Variants in COL5A1 observed in about 807,000 individuals in gnomAD.
COL5A1 encodes collagen type V alpha 1 chain, also known as collagen alpha-1(V) chain.
A neutral mutation model predicts 263.7 loss-of-function variants in COL5A1; 16 were observed. The observed-to-expected ratio is 0.06, with a 90% CI of 0.04 to 0.09. COL5A1 has a LOEUF of 0.09. Among genes scored for constraint, COL5A1 ranks in the 10% least tolerant of loss-of-function variants. COL5A1 has a pLI of 1.00. For missense variants in COL5A1, 2,036 were observed against 2,540.5 expected, an observed-to-expected ratio of 0.80 and a Z score of 4.27; for synonymous variants, 1,012 against 1,004.5, an observed-to-expected ratio of 1.01 and a Z score of -0.14.
chr9:134,785,462 C>CCCCACCTTCCTGA (rs1837421726), intron 30 of COL5A1, among the ~76,000 whole-genome samples: 1 of 152,220 alleles, frequency 6.6e-6, no homozygotes, highest in Admixed American at 6.5e-5. Context: ...GAAGGTGTGG[C>CCCCACCTTCCTGA]AGCCTGGCAG....
At chr9:134,764,827 G>A (rs987873139) in intron 20 of COL5A1, among the ~76,000 whole-genome samples, 1 of 152,098 alleles carries the variant, frequency 6.6e-6, no homozygotes, top group Non-Finnish European at 1.5e-5. Flanking sequence ...ATACCTTCTG[G>A]GCTGTTAGCT....
Position 134,809,252 on chromosome 9 carries a change from G to C in COL5A1, c.3436G>C (p.Ala1146Pro). Reference protein sequence around the residue: ...LQGPVGLPGPAGPVGPPGEDG... With the variant: ...LQGPVGLPGPPGPVGPPGEDG... ...GGGGCCTGTGGGGCTCCCGGGTCCA[G>C]CTGGCCCTGTGGGTCCCCCTGGAGA... Residue 1146 changes from alanine (A) to proline (P), a missense_variant, in exon 43 of 66, where the codon GCT becomes CCT. Coordinates refer to ENST00000371817, the MANE Select transcript of COL5A1 (RefSeq NM_000093.5). 1.2e-6 allele frequency: 2 copies of C among 1,608,882 alleles called. No individual in the cohort carries two copies. The highest frequency in any genetic ancestry group is 1.7e-6 in the Non-Finnish European group (2 of 1,178,134).
rs1025727262 is a variant in COL5A1 at position 134,677,587 on chromosome 9, T to A, written c.110-13325T>A. 6.6e-6 allele frequency among the ~76,000 whole-genome samples: 1 copy of A among 152,176 alleles called. No homozygotes were observed. The highest frequency in any genetic ancestry group is 1.5e-5 in the Non-Finnish European group (1 of 68,026). On this transcript the variant is annotated intron_variant, in intron 1 of 65. Transcript: ENST00000371817. This position sits in a 1 kb window ranked among gnomAD's most constrained non-coding sequence, Gnocchi z 4.4. ...GGGATCTTCGGGGTGATGACATTCC[T>A]TCCCCCATCACTCCTTGGCACAGCC...
intron 4 of COL5A1, among the ~76,000 whole-genome samples, chr9:134,713,680 G>T (rs1834148676): frequency 6.6e-6 from 1 of 152,352 alleles, no homozygotes; most frequent in South Asian, 2.1e-4. Context: ...GGGTTTGTGG[G>T]TGTCAAACCC....
intron 64 of COL5A1, among the ~76,000 whole-genome samples, chr9:134,831,398 C>T (rs1039406092): frequency 8.5e-5 from 13 of 152,230 alleles, no homozygotes; most frequent in African/African-American, 3.1e-4. Flanking sequence ...CAGTCCTCTC[C>T]TCCTTTCCTC....
intron 29 of COL5A1, 41 bp from the exon 30 acceptor site, chr9:134,784,948 G>GTGTGT (rs201808952): frequency 9.0e-6 from 13 of 1,439,496 alleles, no homozygotes; most frequent in Non-Finnish European, 1.2e-5. Context: ...TAGTGTGTGT[G>GTGTGT]CGGGGGGTGG....
intron 4 of COL5A1, among the ~76,000 whole-genome samples, chr9:134,707,664 C>T (rs543639243): frequency 3.3e-5 from 5 of 152,222 alleles, no homozygotes; most frequent in South Asian, 4.1e-4. Context: ...CCCAGGTCCA[C>T]GTTTGCTGTA....
intron 28 of COL5A1, 69 bp downstream of exon 28, chr9:134,780,215 T>C: frequency 1.4e-6 from 2 of 1,452,554 alleles, no homozygotes; most frequent in Non-Finnish European, 1.9e-6. Flanking sequence ...AGCGGGGCCC[T>C]CCCACAATGC....
rs774861340 is a variant in COL5A1 at position 134,691,089 on chromosome 9, G to T, written c.277+10G>T. The T allele has an allele frequency of 1.2e-6, 2 of 1,612,244 alleles. No individual in the cohort carries two copies. The highest frequency in any genetic ancestry group is 1.7e-6 in the Non-Finnish European group (2 of 1,180,012). On this transcript the variant is annotated intron_variant, in intron 2 of 65. Coordinates refer to ENST00000371817, the MANE Select transcript of COL5A1 (RefSeq NM_000093.5). ...AAGCAGCTGTACCCTGGTAAGTGCC[G>T]CACCCTTCTGTTTGGGGCGGTGGGT... is the stretch of plus-strand genomic sequence containing the variant.
At chr9:134,833,580 T>C (rs1474996528) in intron 64 of COL5A1, among the ~76,000 whole-genome samples, 2 of 149,144 alleles carry the variant, frequency 1.3e-5, no homozygotes, top group East Asian at 3.9e-4. Context: ...GAGTGGTCTT[T>C]CTTGAGTGGC....
rs564900023 is a variant in COL5A1, at chr9:134,744,926, C to T, written c.1495-5616C>T. ...ACATATGCACACACCCAGGCGTGCA[C>T]GTGCACACACATCTACATGCACGCG... On this transcript the variant is annotated intron_variant, in intron 11 of 65. Transcript: ENST00000371817. Among the ~76,000 whole-genome samples, 306 of 152,374 alleles carry T rather than the reference C, an allele frequency of 2.0e-3. 3 individuals are homozygous for T. The highest frequency in any genetic ancestry group is 3.3e-3 in the Non-Finnish European group (222 of 68,040).
At chr9:134,693,322 C>A (rs1184829643) in intron 2 of COL5A1, among the ~76,000 whole-genome samples, 4 of 152,146 alleles carry the variant, frequency 2.6e-5, no homozygotes, top group Non-Finnish European at 4.4e-5. Flanking sequence ...GTGAGACTGT[C>A]TCAAACAAAA....
At chr9:134,687,811 G>A (rs897404881) in intron 1 of COL5A1, among the ~76,000 whole-genome samples, 7 of 152,184 alleles carry the variant, frequency 4.6e-5, no homozygotes, top group Admixed American at 3.9e-4. Flanking sequence ...AGGGGCTCTT[G>A]TTTGTTGAGC....
rs564499599 is a variant in COL5A1 at position 134,750,698 on chromosome 9, A to G, written c.1569+82A>G. 2.5e-6 allele frequency: 4 copies of G among 1,594,778 alleles called. No homozygotes were observed. In the South Asian group the frequency reaches 4.4e-5, roughly 18 times the overall value. The stretch of plus-strand genomic sequence containing the variant: ...CCAGACCCTCTGAGGCTGCGCTGTC[A>G]CTGGAGAGGCCTGTGGGCCCCGTCT... On this transcript the variant is annotated intron_variant, in intron 12 of 65. Transcript: ENST00000371817.
At position 134,666,086 on chromosome 9, in the gene COL5A1, C is replaced by T. The variant is rs1482716764; in HGVS notation, c.109+23790C>T. Among the ~76,000 whole-genome samples, 4 of 151,806 alleles carry T rather than the reference C, an allele frequency of 2.6e-5. No individual in the cohort carries two copies. The South Asian group carries it at 6.2e-4, about 24-fold the overall frequency. The stretch of plus-strand genomic sequence containing the variant: ...TGGGTGACAGAGCGAGACTCCATCT[C>T]GAAATAAAATAAAATAAAAATAAAA... On this transcript the variant is annotated intron_variant, in intron 1 of 65. Coordinates refer to ENST00000371817, the MANE Select transcript of COL5A1 (RefSeq NM_000093.5).
At position 134,818,892 on chromosome 9, in the gene COL5A1, C is replaced by T. The variant is rs368551709; in HGVS notation, c.4383C>T (p.Pro1461=). 1.2e-4 allele frequency: 192 copies of T among 1,612,968 alleles called. No individual in the cohort carries two copies. Among genetic ancestry groups the T allele is most frequent in the Middle Eastern group, 1.7e-4 (1 of 6,060 alleles). ...GATCCCCAGGCCCGGACGGTCCCCC[C>T]GGCCCCATGGTGAGTCACATTCCTC... The part of the protein sequence containing the change: ...LPGSPGPDGP[P]GPMGPPGLPG... Residue 1461 remains proline (P), a synonymous_variant, in exon 56 of 66, where the codon CCC becomes CCT. Transcript: ENST00000371817. The surrounding 1 kb of genome is among the most constrained non-coding windows in gnomAD (Gnocchi z 6.0).
At position 134,844,663 on chromosome 9, in the gene COL5A1, C is replaced by G. The variant is rs1830196958; in HGVS notation, c.*2360C>G. The G allele has an allele frequency of 6.6e-6, 1 of 152,170 alleles. No homozygotes were observed. The highest frequency in any genetic ancestry group is 6.5e-5 in the Admixed American group (1 of 15,276). The allele number at this position is 152,170 out of a possible 1,614,324, so 9.4% of individuals were successfully genotyped here. A position where few individuals can be genotyped will look rare whatever the true frequency, so the allele number is the denominator to read the frequency against. On this transcript the variant is annotated 3_prime_UTR_variant, in exon 66 of 66. Transcript: ENST00000371817. ...AGATAAAGTTTCGAGGACATCAGGC[C>G]TTTTGAAATACAATGTCAAATGACA...
rs764698135 is a variant in COL5A1, at chr9:134,757,405, C to CG, written c.1881+593dup. ...TCTTGGAAGCATTTGTCCCAGGCCACGGGGGGCAGGGGAGATACTGACCTT... is the reference window on the plus strand; with the variant it reads ...TCTTGGAAGCATTTGTCCCAGGCCACGGGGGGGCAGGGGAGATACTGACCTT... On this transcript the variant is annotated intron_variant, in intron 17 of 65. Coordinates refer to ENST00000371817, the MANE Select transcript of COL5A1 (RefSeq NM_000093.5). The surrounding 1 kb of genome is among the most constrained non-coding windows in gnomAD (Gnocchi z 6.2). 3.0e-4 allele frequency among the ~76,000 whole-genome samples: 45 copies of CG among 152,118 alleles called. No homozygotes were observed. Among genetic ancestry groups the CG allele is most frequent in the Non-Finnish European group, 5.6e-4 (38 of 68,028 alleles).
At chr9:134,760,663 A>ACC (rs1836363976) in intron 18 of COL5A1, among the ~76,000 whole-genome samples, 1 of 104,012 alleles carries the variant, frequency 9.6e-6, no homozygotes, top group Non-Finnish European at 1.9e-5. Context: ...ACACACACAC[A>ACC]CCACACATGC....
Sources: allele counts gnomAD v4.1 joint callset (sites outside exome capture counted in the v4.1 genomes callset), GRCh38; gene constraint gnomAD v4.1.1; non-coding constraint Gnocchi (gnomAD v3.1); transcripts MANE v1.5; gene names NCBI Gene and HGNC (gene_info 2026-07-23, HGNC 2026-07-21).